COLEC11: variants seen among roughly 807,000 people sequenced by gnomAD.
COLEC11 encodes the protein collectin-11.
Under a neutral mutation model 27.3 loss-of-function variants are expected in COLEC11, and 20 were observed. That is an observed-to-expected ratio of 0.73 (90% confidence interval 0.51 to 1.06). The LOEUF (loss-of-function observed/expected upper bound fraction) is 1.06, where lower values mean the gene tolerates loss of function less well. Ranked by LOEUF, COLEC11 falls within the 50% of genes least tolerant of loss-of-function variation. The pLI is 0.00. For synonymous variants in COLEC11, 163 were observed against 154.7 expected (o/e 1.05, Z -0.40); for missense variants, 310 against 383.0 (o/e 0.81, Z 1.59).
At chr2:3,609,042 C>T (rs1333608885) in intron 2 of COLEC11, among the ~76,000 whole-genome samples, 2 of 152,228 alleles carry the variant, frequency 1.3e-5, no homozygotes, top group African/African-American at 4.8e-5. Context: ...CAGGCACAGC[C>T]GTGAGGCATT....
intron 3 of COLEC11, among the ~76,000 whole-genome samples, chr2:3,624,357 G>GA (rs1411188254): frequency 2.0e-5 from 3 of 152,124 alleles, no homozygotes; most frequent in South Asian, 2.1e-4. Flanking sequence ...TCAGCTTGTT[G>GA]GGGGGCTTCC....
At chr2:3,620,012 G>T (rs1322482390) in intron 3 of COLEC11, among the ~76,000 whole-genome samples, 3 of 152,178 alleles carry the variant, frequency 2.0e-5, no homozygotes, top group Non-Finnish European at 4.4e-5. Flanking sequence ...AGGGATATTG[G>T]CCTGTAATCT....
chr2:3,644,216 C>G lies in COLEC11; in HGVS notation c.*98C>G. The G allele has an allele frequency of 6.7e-7, 1 of 1,484,060 alleles. No individual in the cohort carries two copies. The highest frequency in any genetic ancestry group is 1.4e-5 in the African/African-American group (1 of 72,708). 91.9% of individuals were successfully genotyped at this position (1,484,060 alleles called of 1,614,324 possible). ...TGGTGCCAGCCAGGGAGCTGTCCCT[C>G]TGTGAAGGGTGGAGGCTCACTGAGT... is the stretch of plus-strand genomic sequence containing the variant. On this transcript the variant is annotated 3_prime_UTR_variant, in exon 7 of 7. Coordinates refer to ENST00000349077, the MANE Select transcript of COLEC11 (RefSeq NM_024027.5).
rs748463932 is a variant in COLEC11 at position 3,643,987 on chromosome 2, C to T, written c.685C>T (p.Arg229Cys). The T allele has an allele frequency of 6.2e-6, 10 of 1,614,020 alleles. No homozygotes were observed. In the East Asian group the frequency reaches 6.7e-5, roughly 11 times the overall value. ...HSPMRTFNKW[R>C]SGEPNNAYDE... ...CCCCATGCGGACCTTCAACAAGTGGCGCAGCGGTGAGCCCAACAATGCCTA... is the reference window on the plus strand; with the variant it reads ...CCCCATGCGGACCTTCAACAAGTGGTGCAGCGGTGAGCCCAACAATGCCTA... Residue 229 changes from arginine (R) to cysteine (C), a missense_variant, in exon 7 of 7, where the codon CGC (arginine) becomes TGC (cysteine). By Grantham distance (180) the Arg-to-Cys change is radical. Transcript: ENST00000349077.
intron 2 of COLEC11, among the ~76,000 whole-genome samples, chr2:3,611,343 C>T (rs896326266): frequency 3.9e-5 from 6 of 152,328 alleles, no homozygotes; most frequent in Admixed American, 6.5e-5. Context: ...CGTCTCTGCT[C>T]GGCTCTTTCC....
chr2:3,644,141 TG>T lies in COLEC11; in HGVS notation c.*28del. On this transcript the variant is annotated 3_prime_UTR_variant, in exon 7 of 7. Coordinates refer to ENST00000349077, the MANE Select transcript of COLEC11 (RefSeq NM_024027.5). ...TGAGCCTCAGGCTGGGGCTGCCCAT[TG>T]GGGGCCCCACATGTCCCTGCAGGGT... The T allele has an allele frequency of 1.2e-6, 2 of 1,603,950 alleles. No homozygotes were observed. Among genetic ancestry groups the T allele is most frequent in the Non-Finnish European group, 1.7e-6 (2 of 1,179,970 alleles).
At chr2:3,620,755 T>A (rs1337793701) in intron 3 of COLEC11, among the ~76,000 whole-genome samples, 4 of 152,266 alleles carry the variant, frequency 2.6e-5, no homozygotes, top group African/African-American at 4.8e-5. Context: ...TTCATTTTCA[T>A]TTGTTTCAAG....
chr2:3,643,851 G>A lies in COLEC11; in HGVS notation c.549G>A (p.Glu183=), dbSNP rs1273072186. 6 of 1,613,518 alleles carry A rather than the reference G, an allele frequency of 3.7e-6. No homozygotes were observed. Among genetic ancestry groups the A allele is most frequent in the Non-Finnish European group, 5.1e-6 (6 of 1,179,998 alleles). Residue 183 remains glutamate, a synonymous_variant, in exon 7 of 7, where the codon GAG becomes GAA. Coordinates refer to ENST00000349077, the MANE Select transcript of COLEC11 (RefSeq NM_024027.5). ...GCACGCTGAGCATGCCCAAGGACGA[G>A]GCTGCCAATGGCCTGATGGCCGCAT... ...RGGTLSMPKD[E]AANGLMAAYL...
Position 3,615,749 on chromosome 2 carries a change from C to T in COLEC11, c.202+2367C>T, listed in dbSNP as rs368084167. 6.4e-4 allele frequency among the ~76,000 whole-genome samples: 96 copies of T among 149,094 alleles called. No individual in the cohort carries two copies. The East Asian group carries it at 0.017, about 26-fold the overall frequency. On this transcript the variant is annotated intron_variant, in intron 3 of 6. Coordinates refer to ENST00000349077, the MANE Select transcript of COLEC11 (RefSeq NM_024027.5). Reference sequence around the variant, plus strand: ...GGCGCCCCCCACCTCGCGGACAGGGCGGTGGCCGGGCAGAGGCTCCCCCCA... The same window carrying T: ...GGCGCCCCCCACCTCGCGGACAGGGTGGTGGCCGGGCAGAGGCTCCCCCCA...
intron 3 of COLEC11, chr2:3,617,839 T>G (rs1327555566): frequency 1.6e-6 from 1 of 639,860 alleles, no homozygotes; most frequent in Non-Finnish European, 2.8e-6. Flanking sequence ...TTTCTCCACA[T>G]CTTCTCCAAT....
Position 3,643,798 on chromosome 2 carries a change from G to A in COLEC11, c.496G>A (p.Ala166Thr). Residue 166 changes from alanine (A) to threonine (T), a missense_variant, in exon 7 of 7, where the codon GCC becomes ACC. Coordinates refer to ENST00000349077, the MANE Select transcript of COLEC11 (RefSeq NM_024027.5). The part of the protein sequence containing the change: ...LVKEEKRYAD[A>T]QLSCQGRGGT... Reference sequence around the variant, plus strand: ...GAAGGAGGAGAAGCGCTACGCGGACGCCCAGCTGTCCTGCCAGGGCCGCGG... The same window carrying A: ...GAAGGAGGAGAAGCGCTACGCGGACACCCAGCTGTCCTGCCAGGGCCGCGG... 1.9e-6 allele frequency: 3 copies of A among 1,613,526 alleles called. No homozygotes were observed. The highest frequency in any genetic ancestry group is 2.5e-6 in the Non-Finnish European group (3 of 1,179,946).
rs532264920 is a variant in COLEC11, at chr2:3,643,622, C to T, written c.424+83C>T. The T allele has an allele frequency of 4.2e-5, 67 of 1,598,950 alleles. No homozygotes were observed. In the South Asian group the frequency reaches 7.1e-4, roughly 17 times the overall value. On this transcript the variant is annotated intron_variant, in intron 6 of 6. Coordinates refer to ENST00000349077, the MANE Select transcript of COLEC11 (RefSeq NM_024027.5). ...CCCCCGGCAAGGGCTCTGCCGTGCCCACGCCTGCCCTGCCTGCCCTGCCGG... is the reference window on the plus strand; with the variant it reads ...CCCCCGGCAAGGGCTCTGCCGTGCCTACGCCTGCCCTGCCTGCCCTGCCGG...
intron 2 of COLEC11, among the ~76,000 whole-genome samples, chr2:3,604,854 A>G (rs967012115): frequency 6.6e-6 from 1 of 152,132 alleles, no homozygotes; most frequent in Non-Finnish European, 1.5e-5. Context: ...ACTTGTGTTA[A>G]GTTCCCAAAG....
At chr2:3,626,561 A>G (rs1480561319) in intron 3 of COLEC11, among the ~76,000 whole-genome samples, 1 of 152,234 alleles carries the variant, frequency 6.6e-6, no homozygotes, top group East Asian at 1.9e-4. Flanking sequence ...CCGTTTGCAC[A>G]GAAGAAAGTC....
At chr2:3,635,479 C>T (rs932043547) in intron 3 of COLEC11, among the ~76,000 whole-genome samples, 6 of 152,208 alleles carry the variant, frequency 3.9e-5, no homozygotes, top group African/African-American at 9.7e-5. Context: ...TCCTGCAGCA[C>T]GGAGATGCAC....
chr2:3,623,518 T>G (rs886256808), intron 3 of COLEC11, among the ~76,000 whole-genome samples: 3 of 152,174 alleles, frequency 2.0e-5, no homozygotes, highest in Admixed American at 2.0e-4. Flanking sequence ...GATTGAATAT[T>G]TTTAAATGAC....
chr2:3,600,917 C>T (rs1195514849), intron 1 of COLEC11, among the ~76,000 whole-genome samples: 1 of 152,220 alleles, frequency 6.6e-6, no homozygotes. Flanking sequence ...ATGAGAGCCT[C>T]AGCAGGACAA....
rs151297129 is a variant in COLEC11 at position 3,629,037 on chromosome 2, C to G, written c.203-8496C>G. Among the ~76,000 whole-genome samples the G allele has an allele frequency of 2.4e-3, 373 of 152,270 alleles. 2 individuals carry two copies. The highest frequency in any genetic ancestry group is 8.8e-3 in the African/African-American group (364 of 41,552). On this transcript the variant is annotated intron_variant, in intron 3 of 6. Transcript: ENST00000349077. The stretch of plus-strand genomic sequence containing the variant: ...GGGAGGGGGCGTTGCTTGCCTCTTG[C>G]AAAAAGCTTTCTGTCACTTGGAGGT...
intron 3 of COLEC11, among the ~76,000 whole-genome samples, chr2:3,629,427 G>C (rs1214311914): frequency 6.6e-6 from 1 of 152,200 alleles, no homozygotes; most frequent in East Asian, 1.9e-4. Context: ...TTTAAGCCTA[G>C]GTGCTGACCA....
Sources: gnomAD v4.1 joint callset for allele counts (sites outside exome capture counted in the v4.1 genomes callset) on GRCh38, gnomAD v4.1.1 for gene constraint, MANE v1.5 for transcripts, NCBI Gene and HGNC (gene_info 2026-07-23, HGNC 2026-07-21) for gene names.